The following GRIK4 variants were observed in gnomAD, a reference collection of about 807,000 sequenced individuals.
GRIK4 encodes glutamate ionotropic receptor kainate type subunit 4.
In GRIK4, 40 loss-of-function variants were observed where a neutral mutation model predicts 104.9. That is an observed-to-expected ratio of 0.38 (90% CI 0.30 to 0.50). GRIK4 has a LOEUF of 0.50. GRIK4 is among the 20% of genes least tolerant of loss of function. The probability of loss-of-function intolerance (pLI) is 0.93; values close to 1 mark genes in which losing one functional copy is unlikely to be tolerated. For missense variants in GRIK4, 1,047 were observed against 1,308.1 expected (o/e 0.80, Z 3.08); for synonymous variants, 485 against 524.9 (o/e 0.92, Z 1.04).
intron 3 of GRIK4, among the ~76,000 whole-genome samples, chr11:120,738,101 C>T: frequency 6.6e-6 from 1 of 151,962 alleles, no homozygotes; most frequent in East Asian, 1.9e-4. Flanking sequence ...TGAGAGGGAG[C>T]CGCCACGGAG....
intron 1 of GRIK4, among the ~76,000 whole-genome samples, chr11:120,629,954 G>A (rs1321792430): frequency 6.6e-6 from 1 of 152,188 alleles, no homozygotes; most frequent in African/African-American, 2.4e-5. Context: ...AGTTGGGCTG[G>A]CAAAGCTTTG....
intron 20 of GRIK4, among the ~76,000 whole-genome samples, chr11:120,983,971 C>T (rs906690046): frequency 6.6e-6 from 1 of 152,092 alleles, no homozygotes; most frequent in Non-Finnish European, 1.5e-5. Flanking sequence ...AAGTGACTTG[C>T]CAAGAGTCTC....
At chr11:120,979,960 G>A (rs1016698877) in intron 19 of GRIK4, among the ~76,000 whole-genome samples, 12 of 98,876 alleles carry the variant, frequency 1.2e-4, no homozygotes, top group African/African-American at 3.0e-4. Context: ...TCAGCCTTCC[G>A]AGTAGCTGGG....
chr11:120,824,509 C>T (rs1415664198), intron 6 of GRIK4, among the ~76,000 whole-genome samples: 2 of 151,712 alleles, frequency 1.3e-5, no homozygotes, highest in Non-Finnish European at 2.9e-5. Flanking sequence ...TATCTTCCTA[C>T]ATGTCTCAAA....
At chr11:120,739,691 T>C (rs971217052) in intron 3 of GRIK4, among the ~76,000 whole-genome samples, 2 of 152,236 alleles carry the variant, frequency 1.3e-5, no homozygotes, top group Admixed American at 6.5e-5. Flanking sequence ...TGCATTGCAA[T>C]ACGGGGCACT....
intron 19 of GRIK4, among the ~76,000 whole-genome samples, chr11:120,977,398 A>C (rs989370858): frequency 1.1e-4 from 17 of 152,194 alleles, no homozygotes; most frequent in African/African-American, 4.1e-4. Context: ...GAGGGAGTCC[A>C]CATCAAGGGC....
chr11:120,978,946 C>A (rs1305532769), intron 19 of GRIK4, among the ~76,000 whole-genome samples: 1 of 152,114 alleles, frequency 6.6e-6, no homozygotes, highest in Non-Finnish European at 1.5e-5. Flanking sequence ...CCATTAGGCT[C>A]GAAACAAAAT....
At chr11:120,516,022 G>A (rs1226485965) in intron 1 of GRIK4, among the ~76,000 whole-genome samples, 1 of 152,094 alleles carries the variant, frequency 6.6e-6, no homozygotes, top group African/African-American at 2.4e-5. Context: ...TAGGACCCCA[G>A]CTTCTTCCCC....
At chr11:120,791,419 C>A (rs780139567) in intron 3 of GRIK4, among the ~76,000 whole-genome samples, 2 of 152,206 alleles carry the variant, frequency 1.3e-5, no homozygotes, top group Non-Finnish European at 2.9e-5. Context: ...GGTGAAATGT[C>A]TATTCGAATC....
chr11:120,561,763 A>T (rs1308156508), intron 1 of GRIK4, among the ~76,000 whole-genome samples: 1 of 152,230 alleles, frequency 6.6e-6, no homozygotes, highest in Admixed American at 6.5e-5. Flanking sequence ...TCCAAACCCC[A>T]AGATGACCCA....
chr11:120,830,733 C>T (rs569002678), intron 6 of GRIK4, among the ~76,000 whole-genome samples: 3 of 152,248 alleles, frequency 2.0e-5, no homozygotes, highest in Non-Finnish European at 2.9e-5. Context: ...TAAAATGTTT[C>T]GCACATTAAC....
intron 3 of GRIK4, among the ~76,000 whole-genome samples, chr11:120,792,215 G>A (rs981096081): frequency 1.3e-5 from 2 of 152,040 alleles, no homozygotes; most frequent in Non-Finnish European, 2.9e-5. Flanking sequence ...GAGCAAAGGT[G>A]TGCAGGCATG....
At chr11:120,876,179 C>CCAT (rs1441510421) in intron 11 of GRIK4, among the ~76,000 whole-genome samples, 8 of 149,258 alleles carry the variant, frequency 5.4e-5, no homozygotes, top group Admixed American at 2.7e-4. Context: ...ACCACCCCCA[C>CCAT]CATCATCATC....
chr11:120,891,468 A>G (rs1955292736), intron 11 of GRIK4, among the ~76,000 whole-genome samples: 1 of 152,210 alleles, frequency 6.6e-6, no homozygotes, highest in Admixed American at 6.5e-5. Context: ...GACATTCATG[A>G]CCTAAACTTG....
chr11:120,915,532 G>T (rs1943087836), intron 13 of GRIK4, among the ~76,000 whole-genome samples: 1 of 152,038 alleles, frequency 6.6e-6, no homozygotes, highest in Non-Finnish European at 1.5e-5. Context: ...GATTGCCGCT[G>T]GGCCTCTGGA....
intron 1 of GRIK4, among the ~76,000 whole-genome samples, chr11:120,629,522 C>T (rs1259818723): frequency 6.6e-6 from 1 of 152,080 alleles, no homozygotes; most frequent in African/African-American, 2.4e-5. Flanking sequence ...GTGCCTTGAC[C>T]CTGCTCTGAT....
At chr11:120,594,365 T>C (rs1163011117) in intron 1 of GRIK4, among the ~76,000 whole-genome samples, 3 of 152,158 alleles carry the variant, frequency 2.0e-5, no homozygotes, top group African/African-American at 7.2e-5. Flanking sequence ...TTGTCCCAGC[T>C]ACTCAGGAGG....
rs12286494 is a variant in GRIK4, at chr11:120,690,693, C to T, written c.82+30293C>T. Reference sequence around the variant, plus strand: ...GGGACAGCAGCCCCGGGACCTGTGGCTTTGCTTTCTGATGACTTTGCACCA... The same window carrying T: ...GGGACAGCAGCCCCGGGACCTGTGGTTTTGCTTTCTGATGACTTTGCACCA... On this transcript the variant is annotated intron_variant, in intron 3 of 20. Transcript: ENST00000527524. Among the ~76,000 whole-genome samples the T allele has an allele frequency of 1.5e-3, 231 of 152,358 alleles. 1 individual carries two copies. The highest frequency in any genetic ancestry group is 5.3e-3 in the African/African-American group (221 of 41,592).
At chr11:120,755,057 A>C (rs2135430362) in intron 3 of GRIK4, among the ~76,000 whole-genome samples, 1 of 152,352 alleles carries the variant, frequency 6.6e-6, no homozygotes, top group South Asian at 2.1e-4. Flanking sequence ...TTACAATGAA[A>C]CATCATTAAT....
Sources: gnomAD v4.1 joint callset for allele counts (sites outside exome capture counted in the v4.1 genomes callset) on GRCh38, gnomAD v4.1.1 for gene constraint, MANE v1.5 for transcripts, NCBI Gene and HGNC (gene_info 2026-07-23, HGNC 2026-07-21) for gene names.